The following RALYL variants were observed in gnomAD, a reference collection of about 807,000 sequenced individuals.
RALYL encodes the protein RNA-binding Raly-like protein.
In RALYL, 29 loss-of-function variants were observed where a neutral mutation model predicts 35.1. That is an observed-to-expected ratio of 0.83 (90% CI 0.61 to 1.13). The LOEUF is 1.13. RALYL is among the 50% of genes most tolerant of loss of function. The probability of loss-of-function intolerance (pLI) is 0.00; values close to 1 mark genes in which losing one functional copy is unlikely to be tolerated. For synonymous variants in RALYL, 120 were observed against 127.6 expected, an observed-to-expected ratio of 0.94 and a Z score of 0.40; for missense variants, 359 against 360.4, an observed-to-expected ratio of 1.00 and a Z score of 0.03.
chr8:84,433,135 C>A (rs1456764034), intron 1 of RALYL, among the ~76,000 whole-genome samples: 3 of 152,082 alleles, frequency 2.0e-5, no homozygotes, highest in African/African-American at 4.8e-5. Flanking sequence ...CAAACACTTC[C>A]TGTGTGTAAT....
intron 3 of RALYL, among the ~76,000 whole-genome samples, chr8:84,800,602 AT>A (rs1302030696): frequency 6.6e-6 from 1 of 152,018 alleles, no homozygotes; most frequent in Non-Finnish European, 1.5e-5. Flanking sequence ...GTATTATTAA[AT>A]TCACTACCTA....
intron 2 of RALYL, chr8:84,678,954 C>A (rs928700729): frequency 3.3e-5 from 8 of 245,794 alleles, no homozygotes; most frequent in Non-Finnish European, 4.2e-5. Flanking sequence ...GAATGACATT[C>A]AACAACTTCT....
chr8:84,893,076 C>A (rs925341183), intron 8 of RALYL, among the ~76,000 whole-genome samples: 10 of 152,066 alleles, frequency 6.6e-5, no homozygotes, highest in African/African-American at 2.2e-4. Context: ...TGGTAAGAAC[C>A]ATACAAAAAA....
chr8:84,832,517 G>C (rs571789632), intron 4 of RALYL, among the ~76,000 whole-genome samples: 21 of 152,204 alleles, frequency 1.4e-4, no homozygotes, highest in African/African-American at 4.6e-4. Flanking sequence ...TCTTTCTAGA[G>C]AATATGTAGT....
At chr8:84,407,001 CCTCT>C (rs151279468) in intron 1 of RALYL, among the ~76,000 whole-genome samples, 42 of 148,658 alleles carry the variant, frequency 2.8e-4, no homozygotes, top group Admixed American at 8.1e-4. Context: ...TCTCTCTCTC[CCTCT>C]CTCTCTCTCT....
intron 1 of RALYL, among the ~76,000 whole-genome samples, chr8:84,192,138 G>A (rs1397467839): frequency 6.6e-6 from 1 of 152,176 alleles, no homozygotes; most frequent in Non-Finnish European, 1.5e-5. Flanking sequence ...TGCCATTTGT[G>A]AAATATTGTT....
intron 4 of RALYL, among the ~76,000 whole-genome samples, chr8:84,838,253 T>A (rs1181257004): frequency 1.3e-5 from 2 of 152,074 alleles, no homozygotes; most frequent in Non-Finnish European, 2.9e-5. Flanking sequence ...AAATAGAGGT[T>A]CACTCAGAAA....
At chr8:84,260,631 G>A (rs1333634696) in intron 1 of RALYL, among the ~76,000 whole-genome samples, 1 of 152,150 alleles carries the variant, frequency 6.6e-6, no homozygotes, top group African/African-American at 2.4e-5. Flanking sequence ...TTTGAAGAGA[G>A]GAGCAATATG....
intron 5 of RALYL, among the ~76,000 whole-genome samples, chr8:84,853,780 G>C (rs748764276): frequency 6.6e-5 from 10 of 152,068 alleles, no homozygotes; most frequent in African/African-American, 1.2e-4. Context: ...AGCTTACAGA[G>C]TCACTACTAA....
chr8:84,615,131 G>A (rs767989969), intron 2 of RALYL, among the ~76,000 whole-genome samples: 76 of 151,764 alleles, frequency 5.0e-4, no homozygotes, highest in Non-Finnish European at 9.4e-4. Flanking sequence ...TTTTCATGAA[G>A]TTGCACTTTA....
intron 1 of RALYL, among the ~76,000 whole-genome samples, chr8:84,520,192 A>G (rs1004737784): frequency 5.9e-5 from 9 of 152,212 alleles, no homozygotes; most frequent in Non-Finnish European, 1.2e-4. Flanking sequence ...TTACTAGGTC[A>G]TCTTGATGAG....
chr8:84,229,900 T>C (rs1293068260), intron 1 of RALYL, among the ~76,000 whole-genome samples: 2 of 152,150 alleles, frequency 1.3e-5, no homozygotes, highest in Non-Finnish European at 2.9e-5. Context: ...GATTTTGAAA[T>C]ATAGGATAAG....
At chr8:84,428,077 G>GTCTCTC (rs71271988) in intron 1 of RALYL, among the ~76,000 whole-genome samples, 225 of 129,364 alleles carry the variant, frequency 1.7e-3, no homozygotes, top group African/African-American at 2.5e-3. Context: ...CTTGCTCGCT[G>GTCTCTC]TCTCTCTCTC....
intron 1 of RALYL, among the ~76,000 whole-genome samples, chr8:84,521,532 G>C (rs1267022501): frequency 6.6e-6 from 1 of 152,168 alleles, no homozygotes; most frequent in Non-Finnish European, 1.5e-5. Context: ...GAACCAAGGT[G>C]ATGGTTCCTT....
At chr8:84,243,304 C>A (rs768408849) in intron 1 of RALYL, among the ~76,000 whole-genome samples, 6 of 152,018 alleles carry the variant, frequency 3.9e-5, no homozygotes, top group Non-Finnish European at 7.4e-5. Flanking sequence ...ATTGACTTGG[C>A]TATCCAGGCT....
intron 2 of RALYL, among the ~76,000 whole-genome samples, chr8:84,668,728 T>C (rs1225744429): frequency 2.0e-5 from 3 of 152,138 alleles, no homozygotes; most frequent in African/African-American, 7.2e-5. Context: ...AATTTTGTTA[T>C]GATGACTGTT....
chr8:84,456,193 A>G (rs777130222), intron 1 of RALYL, among the ~76,000 whole-genome samples: 15 of 152,040 alleles, frequency 9.9e-5, no homozygotes, highest in Non-Finnish European at 1.9e-4. Context: ...ACTGGTGCCT[A>G]GCACAGATGT....
At chr8:84,587,349 A>G (rs1812249923) in intron 2 of RALYL, among the ~76,000 whole-genome samples, 1 of 152,174 alleles carries the variant, frequency 6.6e-6, no homozygotes, top group Admixed American at 6.5e-5. Context: ...TACAATGATC[A>G]TATTGAGTTT....
chr8:84,581,688 G>C (rs1296389618), intron 2 of RALYL, among the ~76,000 whole-genome samples: 1 of 151,978 alleles, frequency 6.6e-6, no homozygotes. Flanking sequence ...TTTCTCTTTT[G>C]TAATGTAGGT....
Sources: allele counts gnomAD v4.1 joint callset (sites outside exome capture counted in the v4.1 genomes callset), GRCh38; gene constraint gnomAD v4.1.1; transcripts MANE v1.5; gene names NCBI Gene and HGNC (gene_info 2026-07-23, HGNC 2026-07-21).